The following ZMYND12 variants were observed in gnomAD, a reference collection of about 807,000 sequenced individuals.
ZMYND12 encodes zinc finger MYND domain-containing protein 12.
In ZMYND12, 32 loss-of-function variants were observed where a neutral mutation model predicts 41.7. That is an observed-to-expected ratio of 0.77 (90% CI 0.58 to 1.03). The LOEUF (loss-of-function observed/expected upper bound fraction) is 1.03. Among genes scored for constraint, ZMYND12 ranks in the 50% least tolerant of loss-of-function variants. The pLI is 0.00. For missense variants in ZMYND12, 424 were observed against 438.5 expected, an observed-to-expected ratio of 0.97 and a Z score of 0.30; for synonymous variants, 148 against 164.8, an observed-to-expected ratio of 0.90 and a Z score of 0.78.
intron 5 of ZMYND12, among the ~76,000 whole-genome samples, chr1:42,436,092 A>G (rs1429515085): frequency 2.0e-5 from 3 of 152,190 alleles, no homozygotes; most frequent in Admixed American, 6.5e-5. Context: ...TCTATCGCAC[A>G]CTTCAATAAG....
At chr1:42,440,617 G>T (rs961474857) in intron 3 of ZMYND12, among the ~76,000 whole-genome samples, 2 of 152,112 alleles carry the variant, frequency 1.3e-5, no homozygotes, top group South Asian at 4.1e-4. Context: ...CATGGTGATT[G>T]TTGCACAACC....
rs147078887 is a variant in ZMYND12 at position 42,440,178 on chromosome 1, T to C, written c.425-153A>G. Among the ~76,000 whole-genome samples the C allele has an allele frequency of 6.0e-4, 90 of 149,456 alleles. 1 individual carries two copies. The highest frequency in any genetic ancestry group is 2.2e-3 in the African/African-American group (90 of 40,058). On this transcript the variant is annotated intron_variant, in intron 3 of 7. Transcript: ENST00000372565. ...TACAGGAATGTTCACAGCAGCCTATTTGGAAGAGTAAAAAAAAAAAAAACA... is the reference window on the plus strand; with the variant it reads ...TACAGGAATGTTCACAGCAGCCTATCTGGAAGAGTAAAAAAAAAAAAAACA...
Position 42,450,079 on chromosome 1 carries a change from C to T in ZMYND12, c.111-20G>A, listed in dbSNP as rs1643067830. On this transcript the variant is annotated intron_variant, in intron 1 of 7. Coordinates refer to ENST00000372565, the MANE Select transcript of ZMYND12 (RefSeq NM_032257.5). The stretch of plus-strand genomic sequence containing the variant: ...ACCCCACTGACAACGGAAACATAGA[C>T]TTTATGATCTTTATATTTGGCATGA... 1 of 1,611,580 alleles carries T rather than the reference C, an allele frequency of 6.2e-7. No individual in the cohort carries two copies. Among genetic ancestry groups the T allele is most frequent in the Admixed American group, 1.7e-5 (1 of 59,978 alleles).
chr1:42,434,751 G>A (rs1230611086), intron 6 of ZMYND12, among the ~76,000 whole-genome samples: 1 of 151,794 alleles, frequency 6.6e-6, no homozygotes, highest in Non-Finnish European at 1.5e-5. Flanking sequence ...AGGAAAACAA[G>A]CTCAGGGCTC....
At chr1:42,435,595 C>G in intron 5 of ZMYND12, 1 of 487,558 alleles carries the variant, frequency 2.1e-6, no homozygotes. Context: ...GGGCCTGTGG[C>G]AGCTCATCTT....
At chr1:42,455,672 A>G (rs1347893151) in intron 1 of ZMYND12, among the ~76,000 whole-genome samples, 2 of 152,254 alleles carry the variant, frequency 1.3e-5, no homozygotes, top group Non-Finnish European at 2.9e-5. Context: ...AAAATAGTGC[A>G]TAACACAGAG....
chr1:42,430,730 G>T lies in ZMYND12; in HGVS notation c.*6C>A. 1 of 1,614,046 alleles carries T rather than the reference G, an allele frequency of 6.2e-7. No individual in the cohort carries two copies. Among genetic ancestry groups the T allele is most frequent in the Non-Finnish European group, 8.5e-7 (1 of 1,179,934 alleles). The stretch of plus-strand genomic sequence containing the variant: ...GAATAACCCTTGATGCAGAGCTCAT[G>T]GGTCACTAAGTAATGGGATGGTCTT... On this transcript the variant is annotated 3_prime_UTR_variant, in exon 8 of 8. Coordinates refer to ENST00000372565, the MANE Select transcript of ZMYND12 (RefSeq NM_032257.5).
At chr1:42,454,410 A>G (rs1025167767) in intron 1 of ZMYND12, among the ~76,000 whole-genome samples, 4 of 152,204 alleles carry the variant, frequency 2.6e-5, no homozygotes, top group Non-Finnish European at 4.4e-5. Flanking sequence ...AAGTGTTAGG[A>G]TAGGGGACAT....
intron 3 of ZMYND12, among the ~76,000 whole-genome samples, chr1:42,444,794 G>C (rs1643004668): frequency 6.6e-6 from 1 of 150,928 alleles, no homozygotes; most frequent in Admixed American, 6.6e-5. Flanking sequence ...CAGAAGAAAG[G>C]AGTAGTTCTT....
rs1443631779 is a variant in ZMYND12, at chr1:42,445,051, G to A, written c.424+3416C>T. 2.6e-5 allele frequency among the ~76,000 whole-genome samples: 4 copies of A among 151,302 alleles called. No homozygotes were observed. The East Asian group carries it at 7.9e-4, about 30-fold the overall frequency. The stretch of plus-strand genomic sequence containing the variant: ...TCTCGATCTCCTGACCTCGTGATCC[G>A]CCCACCTCAGCCTGCCAAAGTGCTG... On this transcript the variant is annotated intron_variant, in intron 3 of 7. Transcript: ENST00000372565.
intron 4 of ZMYND12, among the ~76,000 whole-genome samples, chr1:42,436,813 T>C (rs1557766742): frequency 6.6e-6 from 1 of 150,980 alleles, no homozygotes; most frequent in East Asian, 1.9e-4. Flanking sequence ...ATACAGAAAA[T>C]AAAAAGTGTT....
Position 42,446,694 on chromosome 1 carries a change from T to C in ZMYND12, c.424+1773A>G, listed in dbSNP as rs530501097. 3.3e-5 allele frequency among the ~76,000 whole-genome samples: 5 copies of C among 151,410 alleles called. No homozygotes were observed. The South Asian group carries it at 1.0e-3, about 32-fold the overall frequency. ...ATATAGATATAGAAATAAATACAGA[T>C]GTAATGTGTGTATACGTACACCCAT... On this transcript the variant is annotated intron_variant, in intron 3 of 7. Coordinates refer to ENST00000372565, the MANE Select transcript of ZMYND12 (RefSeq NM_032257.5).
rs77596174 is a variant in ZMYND12, at chr1:42,449,559, A to T, written c.252+359T>A. 9.8e-4 allele frequency among the ~76,000 whole-genome samples: 149 copies of T among 152,346 alleles called. 3 individuals are homozygous for T. The East Asian group carries it at 0.027, about 27-fold the overall frequency. On this transcript the variant is annotated intron_variant, in intron 2 of 7. Coordinates refer to ENST00000372565, the MANE Select transcript of ZMYND12 (RefSeq NM_032257.5). ...CTTGCACACAAAGGACCATGTGAAG[A>T]CACTGTAGGAAGGCAGCCATCTGAA...
At chr1:42,442,503 AG>A (rs1642981433) in intron 3 of ZMYND12, among the ~76,000 whole-genome samples, 1 of 152,202 alleles carries the variant, frequency 6.6e-6, no homozygotes, top group Non-Finnish European at 1.5e-5. Context: ...TTATATATAC[AG>A]AGGCCTGCCT....
intron 1 of ZMYND12, among the ~76,000 whole-genome samples, chr1:42,453,666 A>G (rs1198965037): frequency 6.6e-6 from 1 of 152,238 alleles, no homozygotes; most frequent in Non-Finnish European, 1.5e-5. Flanking sequence ...GGAAAAAGTC[A>G]GTGCTCACAC....
intron 3 of ZMYND12, among the ~76,000 whole-genome samples, chr1:42,444,093 G>C (rs1390410585): frequency 6.6e-6 from 1 of 152,078 alleles, no homozygotes; most frequent in African/African-American, 2.4e-5. Flanking sequence ...GAATTCCTGG[G>C]CTCAAGAGAT....
At chr1:42,430,973 C>A (rs1642842812) in intron 7 of ZMYND12, 115 bp from the exon 8 acceptor site, 3 of 1,392,476 alleles carry the variant, frequency 2.2e-6, no homozygotes, top group South Asian at 1.3e-5. Context: ...CTTTTCACAC[C>A]ACCCACTGAG....
Position 42,430,533 on chromosome 1 carries a change from GT to G in ZMYND12, c.*202del. 1.8e-6 allele frequency: 1 copy of G among 566,062 alleles called. No individual in the cohort carries two copies. The highest frequency in any genetic ancestry group is 3.0e-6 in the Non-Finnish European group (1 of 335,312). 35.1% of individuals were successfully genotyped at this position (566,062 alleles called of 1,614,324 possible). ...AAGTACAAAGGTCATGACAAACACA[GT>G]TTTTAGTGATTTCTATGCCTAAAGC... On this transcript the variant is annotated 3_prime_UTR_variant, in exon 8 of 8. Coordinates refer to ENST00000372565, the MANE Select transcript of ZMYND12 (RefSeq NM_032257.5).
rs544302020 is a variant in ZMYND12, at chr1:42,455,335, C to T, written c.110+553G>A. Among the ~76,000 whole-genome samples the T allele has an allele frequency of 1.2e-3, 181 of 152,332 alleles. 1 individual carries two copies. Among genetic ancestry groups the T allele is most frequent in the African/African-American group, 4.3e-3 (177 of 41,580 alleles). ...TTGCCCAAGCTGGAGTGCAGTGGCG[C>T]GATCTCCGCTCACTGCGAGCTCCGC... On this transcript the variant is annotated intron_variant, in intron 1 of 7. Coordinates refer to ENST00000372565, the MANE Select transcript of ZMYND12 (RefSeq NM_032257.5).
Sources: allele counts gnomAD v4.1 joint callset (sites outside exome capture counted in the v4.1 genomes callset), GRCh38; gene constraint gnomAD v4.1.1; transcripts MANE v1.5; gene names NCBI Gene and HGNC (gene_info 2026-07-23, HGNC 2026-07-21).